RUNDC3B: variants seen among roughly 807,000 people sequenced by gnomAD.
RUNDC3B encodes the protein RUN domain containing 3B.
In RUNDC3B, 33 loss-of-function variants were observed where a neutral mutation model predicts 58.4. The observed-to-expected ratio is 0.56, with a 90% CI of 0.43 to 0.75. The LOEUF (loss-of-function observed/expected upper bound fraction) is 0.75. Ranked by LOEUF, RUNDC3B falls within the 30% of genes least tolerant of loss-of-function variation. The pLI is 0.00. For synonymous variants in RUNDC3B, 193 were observed against 195.2 expected (o/e 0.99, Z 0.10); for missense variants, 501 against 535.7 (o/e 0.94, Z 0.64).
rs570673137 is a variant in RUNDC3B at position 87,807,895 on chromosome 7, A to T, written c.1103+376A>T. Among the ~76,000 whole-genome samples the T allele has an allele frequency of 2.0e-4, 31 of 152,282 alleles. 1 individual carries two copies. The highest frequency in any genetic ancestry group is 2.0e-3 in the Admixed American group (31 of 15,280). On this transcript the variant is annotated intron_variant, in intron 9 of 10. Transcript: ENST00000394654. ...TACTTGTTCCTGGTGGTTCTGAAGA[A>T]TTCTATTCATTTTCAATAAATCTGA...
chr7:87,815,998 A>G, intron 9 of RUNDC3B, 143 bp from the exon 10 acceptor site: 1 of 617,502 alleles, frequency 1.6e-6, no homozygotes, highest in African/African-American at 1.9e-5. Context: ...TACTGAAGCC[A>G]AGAATATGAA....
intron 8 of RUNDC3B, among the ~76,000 whole-genome samples, chr7:87,778,382 G>A (rs1834760097): frequency 6.6e-6 from 1 of 150,710 alleles, no homozygotes; most frequent in African/African-American, 2.4e-5. Context: ...GGTCAAGGCT[G>A]CAGTGGGCCC....
At chr7:87,640,620 C>T (rs1822348734) in intron 1 of RUNDC3B, among the ~76,000 whole-genome samples, 1 of 152,304 alleles carries the variant, frequency 6.6e-6, no homozygotes, top group Admixed American at 6.5e-5. Context: ...GTTGGAATGA[C>T]AGGCATGAGC....
chr7:87,681,749 A>G lies in RUNDC3B; in HGVS notation c.239-18672A>G, dbSNP rs574530347. On this transcript the variant is annotated intron_variant, in intron 2 of 10. Coordinates refer to ENST00000394654, the MANE Select transcript of RUNDC3B (RefSeq NM_001134405.2). ...AACAATGGGCTGGGCACAGTGGCTT[A>G]CAGCTATAATCCCAGCACTTGGGAG... is the stretch of plus-strand genomic sequence containing the variant. Among the ~76,000 whole-genome samples, 3 of 138,140 alleles carry G rather than the reference A, an allele frequency of 2.2e-5. 1 individual carries two copies. The highest frequency in any genetic ancestry group is 4.6e-4 in the East Asian group (2 of 4,312). The allele number at this position is 138,140 out of a possible 152,430, so 90.6% of individuals were successfully genotyped here. A position where few individuals can be genotyped will look rare whatever the true frequency, so the allele number is the denominator to read the frequency against.
chr7:87,729,413 G>C (rs1175456115), intron 4 of RUNDC3B, among the ~76,000 whole-genome samples: 1 of 152,182 alleles, frequency 6.6e-6, no homozygotes, highest in Non-Finnish European at 1.5e-5. Flanking sequence ...AAGAAAATCT[G>C]TGCATTCAGG....
At chr7:87,826,179 A>G (rs1292470814) in intron 10 of RUNDC3B, among the ~76,000 whole-genome samples, 1 of 152,064 alleles carries the variant, frequency 6.6e-6, no homozygotes, top group East Asian at 1.9e-4. Flanking sequence ...AACTCTCACA[A>G]TTCCCACGTC....
intron 7 of RUNDC3B, among the ~76,000 whole-genome samples, chr7:87,771,529 CA>C (rs1488205983): frequency 6.6e-6 from 1 of 152,066 alleles, no homozygotes; most frequent in Non-Finnish European, 1.5e-5. Flanking sequence ...ATCTACATTG[CA>C]AAAATATGAA....
chr7:87,635,283 C>T (rs1584957561), intron 1 of RUNDC3B, among the ~76,000 whole-genome samples: 2 of 152,130 alleles, frequency 1.3e-5, no homozygotes, highest in East Asian at 3.8e-4. Context: ...TGGAAAGATT[C>T]CATCAGTCTG....
At chr7:87,822,091 A>T (rs1012122236) in intron 10 of RUNDC3B, among the ~76,000 whole-genome samples, 1 of 152,224 alleles carries the variant, frequency 6.6e-6, no homozygotes, top group African/African-American at 2.4e-5. Flanking sequence ...AACTACCATC[A>T]GAGTGAACAG....
intron 4 of RUNDC3B, among the ~76,000 whole-genome samples, chr7:87,734,848 T>C (rs1303532240): frequency 6.6e-6 from 1 of 152,240 alleles, no homozygotes; most frequent in Non-Finnish European, 1.5e-5. Flanking sequence ...AAAAAATCTC[T>C]TCACCTTTAA....
intron 8 of RUNDC3B, 58 bp from the exon 9 acceptor site, chr7:87,807,315 T>C: frequency 2.6e-6 from 4 of 1,565,742 alleles, no homozygotes; most frequent in Non-Finnish European, 3.5e-6. Flanking sequence ...TACCATTAGG[T>C]TCCTCTGCCA....
chr7:87,677,920 G>A (rs930188462), intron 2 of RUNDC3B, among the ~76,000 whole-genome samples: 2 of 152,164 alleles, frequency 1.3e-5, no homozygotes, highest in African/African-American at 4.8e-5. Context: ...GAAAAGCACT[G>A]CTAACCCAGA....
chr7:87,745,900 A>G (rs1832614631), intron 6 of RUNDC3B, among the ~76,000 whole-genome samples: 1 of 151,968 alleles, frequency 6.6e-6, no homozygotes, highest in Admixed American at 6.6e-5. Context: ...TTAGAACGTC[A>G]GTTTGTACTC....
rs1765654357 is a variant in RUNDC3B, at chr7:87,709,244, T to A, written c.373-1326T>A. Reference sequence around the variant, plus strand: ...CATTTCTTATCTAGTAACAGCATAGTCTCCTGTGCTGAATTGTCTCTGGAG... The same window carrying A: ...CATTTCTTATCTAGTAACAGCATAGACTCCTGTGCTGAATTGTCTCTGGAG... On this transcript the variant is annotated intron_variant, in intron 3 of 10. Coordinates refer to ENST00000394654, the MANE Select transcript of RUNDC3B (RefSeq NM_001134405.2). 6.1e-6 allele frequency: 6 copies of A among 984,834 alleles called. No individual in the cohort carries two copies. The South Asian group carries it at 1.9e-4, about 31-fold the overall frequency. The allele number at this position is 984,834 out of a possible 1,614,324, so 61.0% of individuals were successfully genotyped here.
intron 8 of RUNDC3B, among the ~76,000 whole-genome samples, chr7:87,787,979 T>C (rs1203050056): frequency 1.3e-5 from 2 of 152,200 alleles, no homozygotes; most frequent in South Asian, 2.1e-4. Context: ...TTTTAAATAA[T>C]AGTATTTGTA....
intron 8 of RUNDC3B, among the ~76,000 whole-genome samples, chr7:87,805,231 TCAAAAATA>T (rs1836374336): frequency 1.3e-5 from 2 of 152,142 alleles, no homozygotes; most frequent in East Asian, 3.9e-4. Context: ...TAGTCAAGAT[TCAAAAATA>T]CAAGGATGAG....
At chr7:87,675,855 T>C (rs1452134406) in intron 2 of RUNDC3B, among the ~76,000 whole-genome samples, 13 of 152,130 alleles carry the variant, frequency 8.5e-5, no homozygotes, top group Admixed American at 8.5e-4. Flanking sequence ...TTGGCAAAGA[T>C]ATTTTTGGAC....
At chr7:87,641,140 G>A (rs956624321) in intron 1 of RUNDC3B, among the ~76,000 whole-genome samples, 58 of 151,838 alleles carry the variant, frequency 3.8e-4, no homozygotes, top group African/African-American at 1.3e-3. Context: ...TAATACTTTT[G>A]TTGTTCTTTT....
chr7:87,805,569 C>T (rs1235447510), intron 8 of RUNDC3B, among the ~76,000 whole-genome samples: 2 of 152,128 alleles, frequency 1.3e-5, no homozygotes, highest in East Asian at 1.9e-4. Flanking sequence ...CAAAAATCTC[C>T]GTGGACAATA....
Sources: gnomAD v4.1 joint callset for allele counts (sites outside exome capture counted in the v4.1 genomes callset) on GRCh38, gnomAD v4.1.1 for gene constraint, MANE v1.5 for transcripts, NCBI Gene and HGNC (gene_info 2026-07-23, HGNC 2026-07-21) for gene names.